KCNC2: variants seen among roughly 807,000 people sequenced by gnomAD.
KCNC2 encodes potassium voltage-gated channel subfamily C member 2, also known as voltage-gated potassium channel KCNC2.
In KCNC2, 21 loss-of-function variants were observed where a neutral mutation model predicts 44.5. That is an observed-to-expected ratio of 0.47 (90% CI 0.33 to 0.68). The LOEUF (loss-of-function observed/expected upper bound fraction) is 0.68. Among genes scored for constraint, KCNC2 ranks in the 30% least tolerant of loss-of-function variants. The pLI is 0.01. For synonymous variants in KCNC2, 391 were observed against 339.1 expected, an observed-to-expected ratio of 1.15 and a Z score of -1.68; for missense variants, 589 against 826.2, an observed-to-expected ratio of 0.71 and a Z score of 3.52.
rs200444189 is a variant in KCNC2 at position 75,048,163 on chromosome 12, C to T, written c.1770G>A (p.Gly590=). 50 of 1,612,562 alleles carry T rather than the reference C, an allele frequency of 3.1e-5. No individual in the cohort carries two copies. The highest frequency in any genetic ancestry group is 1.7e-5 in the Admixed American group (1 of 59,886). The part of the protein sequence containing the change: ...TGDYTCASDG[G]IRKGYEKSRS... The stretch of plus-strand genomic sequence containing the variant: ...TAAATGCATGCCTACCTTTCCTGAT[C>T]CCTCCATCAGAAGCACACGTGTAAT... Residue 590 remains glycine, a synonymous_variant, in exon 4 of 5, where the codon GGG becomes GGA. Transcript: ENST00000549446.
At chr12:75,182,538 C>CA (rs796239884) in intron 2 of KCNC2, among the ~76,000 whole-genome samples, 19,423 of 123,058 alleles carry the variant, frequency 0.16, 1,802 homozygotes, top group Admixed American at 0.26. Flanking sequence ...AAAAAAAAAA[C>CA]AAAAAAAACA....
intron 2 of KCNC2, among the ~76,000 whole-genome samples, chr12:75,151,771 A>G (rs1890410859): frequency 6.6e-6 from 1 of 151,504 alleles, no homozygotes; most frequent in African/African-American, 2.4e-5. Flanking sequence ...CAGAACTGAT[A>G]GAAATTTAAA....
At chr12:75,116,136 G>A (rs1887643828) in intron 2 of KCNC2, among the ~76,000 whole-genome samples, 1 of 152,118 alleles carries the variant, frequency 6.6e-6, no homozygotes, top group African/African-American at 2.4e-5. Context: ...CCAAAGATCA[G>A]GGGATTATAC....
intron 4 of KCNC2, among the ~76,000 whole-genome samples, chr12:75,046,099 A>G (rs1358324197): frequency 1.3e-5 from 2 of 151,804 alleles, no homozygotes; most frequent in Non-Finnish European, 3.0e-5. Context: ...AAGTACTATC[A>G]TGCTTAGTAG....
intron 2 of KCNC2, among the ~76,000 whole-genome samples, chr12:75,182,520 C>CAAA (rs71438888): frequency 5.8e-4 from 47 of 81,396 alleles, no homozygotes; most frequent in African/African-American, 1.7e-3. Flanking sequence ...GATTCCGTCT[C>CAAA]AAAAAAAAAA....
rs1881118743 is a variant in KCNC2, at chr12:75,051,122, A to C, written c.883T>G (p.Phe295Val). ...VEGVCVVWFT[F>V]EFLVRIVFSP... is the part of the protein sequence containing the mutation. ...AAAACAATACGGACTAAAAATTCAA[A>C]AGTAAACCACACCACACACACTCCT... Residue 295 changes from phenylalanine (F) to valine (V), a missense_variant, in exon 3 of 5, where the codon TTT becomes GTT. Physicochemically the swap from Phe to Val is conservative, Grantham distance 50 (BLOSUM62 -1). Transcript: ENST00000549446. 1 of 1,613,734 alleles carries C rather than the reference A, an allele frequency of 6.2e-7. No individual in the cohort carries two copies. Among genetic ancestry groups the C allele is most frequent in the African/African-American group, 1.3e-5 (1 of 74,908 alleles).
rs115014744 is a variant in KCNC2 at position 75,170,225 on chromosome 12, T to C, written c.687+37072A>G. On this transcript the variant is annotated intron_variant, in intron 2 of 4. Coordinates refer to ENST00000549446, the MANE Select transcript of KCNC2 (RefSeq NM_139137.4). ...AAGCTCTTCCTCGTACATTCTCACA[T>C]GTGATTTCAGTAATCCTTTAAGATA... Among the ~76,000 whole-genome samples the C allele has an allele frequency of 3.1e-3, 471 of 151,874 alleles. 3 individuals carry two copies. The highest frequency in any genetic ancestry group is 0.011 in the African/African-American group (444 of 41,518).
chr12:75,076,241 C>T (rs950477892), intron 2 of KCNC2, among the ~76,000 whole-genome samples: 3 of 151,942 alleles, frequency 2.0e-5, no homozygotes, highest in African/African-American at 7.2e-5. Flanking sequence ...TGAACAGTGC[C>T]AGAACATCTT....
At chr12:75,166,924 A>G (rs1262877957) in intron 2 of KCNC2, among the ~76,000 whole-genome samples, 4 of 151,284 alleles carry the variant, frequency 2.6e-5, no homozygotes, top group African/African-American at 9.7e-5. Context: ...CAAAGCAGGC[A>G]GAAGAAAGAA....
Position 75,052,914 on chromosome 12 carries a change from T to C in KCNC2, c.688-1597A>G, listed in dbSNP as rs547810814. Among the ~76,000 whole-genome samples the C allele has an allele frequency of 2.6e-5, 4 of 152,298 alleles. No individual in the cohort carries two copies. The South Asian group carries it at 8.3e-4, about 32-fold the overall frequency. On this transcript the variant is annotated intron_variant, in intron 2 of 4. Transcript: ENST00000549446. ...GGTCATTTTCATGGCTTTGACTTGC[T>C]CTTTCATGCACATTTTCCAACTGCT... is the stretch of plus-strand genomic sequence containing the variant.
chr12:75,044,923 A>G (rs1032777732), intron 4 of KCNC2: 1 of 152,006 alleles, frequency 6.6e-6, no homozygotes, highest in African/African-American at 2.4e-5. Context: ...ATGATGGAAT[A>G]GTGGGAGGAT....
intron 2 of KCNC2, among the ~76,000 whole-genome samples, chr12:75,130,284 T>G (rs1285391361): frequency 6.6e-6 from 1 of 152,158 alleles, no homozygotes; most frequent in Non-Finnish European, 1.5e-5. Flanking sequence ...TAGGTCTGTC[T>G]CCTCTATGTT....
chr12:75,193,690 CT>C lies in KCNC2; in HGVS notation c.687+13606del, dbSNP rs552327051. Among the ~76,000 whole-genome samples the C allele has an allele frequency of 1.9e-3, 291 of 152,200 alleles. 3 individuals carry two copies. In the South Asian group the frequency reaches 0.029, roughly 15 times the overall value. ...AGGTAACCCCATATTGATTGAAATGCTCTAAAGTTCTATCTCCAAATAAAAC... is the reference window on the plus strand; with the variant it reads ...AGGTAACCCCATATTGATTGAAATGCCTAAAGTTCTATCTCCAAATAAAAC... On this transcript the variant is annotated intron_variant, in intron 2 of 4. Coordinates refer to ENST00000549446, the MANE Select transcript of KCNC2 (RefSeq NM_139137.4).
chr12:75,196,823 T>A (rs1229694092), intron 2 of KCNC2, among the ~76,000 whole-genome samples: 1 of 152,128 alleles, frequency 6.6e-6, no homozygotes, highest in Admixed American at 6.6e-5. Flanking sequence ...AACTTTATTT[T>A]TAACTTTTTT....
intron 2 of KCNC2, among the ~76,000 whole-genome samples, chr12:75,161,965 T>C (rs768319556): frequency 1.3e-5 from 2 of 151,812 alleles, no homozygotes; most frequent in Non-Finnish European, 2.9e-5. Flanking sequence ...TTGTGAATTC[T>C]GTGCTTATAT....
chr12:75,194,708 G>A (rs114087676), intron 2 of KCNC2, among the ~76,000 whole-genome samples: 3 of 152,116 alleles, frequency 2.0e-5, no homozygotes, highest in East Asian at 3.9e-4. Flanking sequence ...CAAAAACTGT[G>A]GTTTGAACAT....
chr12:75,152,568 T>A (rs1348305888), intron 2 of KCNC2, among the ~76,000 whole-genome samples: 5 of 151,990 alleles, frequency 3.3e-5, no homozygotes, highest in Non-Finnish European at 7.4e-5. Context: ...AGAAAAATTA[T>A]TCCAGATATA....
chr12:75,170,988 GTTACTT>G (rs1474955595), intron 2 of KCNC2, among the ~76,000 whole-genome samples: 1 of 151,698 alleles, frequency 6.6e-6, no homozygotes, highest in Admixed American at 6.6e-5. Context: ...TCAGCTTGAT[GTTACTT>G]TCAGTTCCTA....
chr12:75,069,129 C>CTTTTTTTTTTTTTTTTTT lies in KCNC2; in HGVS notation c.688-17830_688-17813dup, dbSNP rs1158151551. On this transcript the variant is annotated intron_variant, in intron 2 of 4. Transcript: ENST00000549446. ...AAAAACAGTTTCAATTTTATATAAT[C>CTTTTTTTTTTTTTTTTTT]TTTTTTTTTTTTTTTTTTTTTTGAG... Among the ~76,000 whole-genome samples, 66 of 63,662 alleles carry CTTTTTTTTTTTTTTTTTT rather than the reference C, an allele frequency of 1.0e-3. 17 individuals are homozygous for CTTTTTTTTTTTTTTTTTT. The highest frequency in any genetic ancestry group is 0.048 in the Middle Eastern group (2 of 42). The allele number at this position is 63,662 out of a possible 152,430, so 41.8% of individuals were successfully genotyped here. A position where few individuals can be genotyped will look rare whatever the true frequency, so the allele number is the denominator to read the frequency against.
Sources: allele counts gnomAD v4.1 joint callset (sites outside exome capture counted in the v4.1 genomes callset), GRCh38; gene constraint gnomAD v4.1.1; transcripts MANE v1.5; gene names NCBI Gene and HGNC (gene_info 2026-07-23, HGNC 2026-07-21).